The following MRPL2 variants were observed in gnomAD, a reference collection of about 807,000 sequenced individuals.
MRPL2 encodes the protein large ribosomal subunit protein uL2m.
MRPL2 carries 27 observed loss-of-function variants against 34.6 expected under a neutral mutation model. The observed-to-expected ratio is 0.78, with a 90% CI of 0.58 to 1.08. The LOEUF is 1.08. Among genes scored for constraint, MRPL2 ranks in the 50% least tolerant of loss-of-function variants. The pLI, the probability that MRPL2 is intolerant of heterozygous loss-of-function variation, is 0.00. For missense variants in MRPL2, 414 were observed against 419.3 expected (o/e 0.99, Z 0.11); for synonymous variants, 155 against 158.0 (o/e 0.98, Z 0.14).
Position 43,054,237 on chromosome 6 carries a change from AC to A in MRPL2, c.*36del. ...AACAAAACCACAGTAACAGATTAAA[AC>A]GGGGGGGGGGGGCATTTTATTAGAG... is the stretch of plus-strand genomic sequence containing the variant. On this transcript the variant is annotated 3_prime_UTR_variant, in exon 7 of 7. Coordinates refer to ENST00000388752, the MANE Select transcript of MRPL2 (RefSeq NM_015950.5). 1 of 1,225,030 alleles carries A rather than the reference AC, an allele frequency of 8.2e-7. No individual in the cohort carries two copies. Among genetic ancestry groups the A allele is most frequent in the Non-Finnish European group, 1.1e-6 (1 of 910,640 alleles). 75.9% of individuals were successfully genotyped at this position (1,225,030 alleles called of 1,614,324 possible). A position where few individuals can be genotyped will look rare whatever the true frequency, so the allele number is the denominator to read the frequency against.
intron 1 of MRPL2, 123 bp downstream of exon 1, chr6:43,059,163 T>G (rs1269532719): frequency 6.5e-7 from 1 of 1,550,168 alleles, no homozygotes; most frequent in East Asian, 2.4e-5. Context: ...AAGTGTGCCT[T>G]ATCCAAGGTC....
At position 43,056,380 on chromosome 6, in the gene MRPL2, G is replaced by A. The variant is rs1282440995; in HGVS notation, c.331C>T (p.Arg111Cys). The A allele has an allele frequency of 3.1e-6, 5 of 1,614,188 alleles. No homozygotes were observed. Among genetic ancestry groups the A allele is most frequent in the East Asian group, 2.2e-5 (1 of 44,884 alleles). ...GACTTGGTCTCCTCAGGCCGGAAAC[G>A]CAGAAAGTCAATCATTCGATAACGT... ...KQRYRMIDFL[R>C]FRPEETKSGP... Residue 111 changes from arginine to cysteine, a missense_variant, in exon 3 of 7, where the codon CGT becomes TGT. Physicochemically the swap from Arg to Cys is radical, Grantham distance 180. Transcript: ENST00000388752.
At chr6:43,054,539 C>T (rs1764762693) in intron 6 of MRPL2, 53 bp from the exon 7 acceptor site, 1 of 1,526,250 alleles carries the variant, frequency 6.6e-7, no homozygotes, top group Non-Finnish European at 9.0e-7. Flanking sequence ...AAGAGCTTGA[C>T]AATGTTGAGA....
At position 43,058,241 on chromosome 6, in the gene MRPL2, TAA is replaced by T; in HGVS notation, c.97-10_97-9del. The stretch of plus-strand genomic sequence containing the variant: ...GAGGCCATTGTTCATCATCTAGGGA[TAA>T]AAAGACATCTCTTTCATTTGAAAGC... On this transcript the variant is annotated splice_polypyrimidine_tract_variant and intron_variant, in intron 1 of 6. Coordinates refer to ENST00000388752, the MANE Select transcript of MRPL2 (RefSeq NM_015950.5). 6.2e-7 allele frequency: 1 copy of T among 1,612,462 alleles called. No individual in the cohort carries two copies. The highest frequency in any genetic ancestry group is 1.1e-5 in the South Asian group (1 of 90,960).
rs1379620822 is a variant in MRPL2 at position 43,058,238 on chromosome 6, G to A, written c.97-5C>T. ...GAGGAGGCCATTGTTCATCATCTAG[G>A]GATAAAAAGACATCTCTTTCATTTG... On this transcript the variant is annotated splice_region_variant and splice_polypyrimidine_tract_variant and intron_variant, in intron 1 of 6. Transcript: ENST00000388752. The A allele has an allele frequency of 6.2e-7, 1 of 1,612,620 alleles. No homozygotes were observed. The highest frequency in any genetic ancestry group is 1.1e-5 in the South Asian group (1 of 90,956).
In MRPL2 at chr6:43,056,001, G is replaced by C; in HGVS notation, c.527C>G (p.Ala176Gly). 6.2e-7 allele frequency: 1 copy of C among 1,614,158 alleles called. No homozygotes were observed. The highest frequency in any genetic ancestry group is 8.5e-7 in the Non-Finnish European group (1 of 1,180,024). ...SNHIGRMAVAAREGDAHPLGA... is the reference protein window; with the variant it reads ...SNHIGRMAVAGREGDAHPLGA... ...AAGAGGATGCGCATCCCCTTCCCGA[G>C]CAGCAACTAAAAGACAGGATTTCAT... Residue 176 changes from alanine (A) to glycine (G), a missense_variant, in exon 5 of 7, where the codon GCT becomes GGT. By Grantham distance (60) the Ala-to-Gly change is moderately conservative. Coordinates refer to ENST00000388752, the MANE Select transcript of MRPL2 (RefSeq NM_015950.5).
Position 43,056,414 on chromosome 6 carries a change from G to GC in MRPL2, c.296dup (p.His100ProfsTer9), listed in dbSNP as rs774949469. On this transcript the variant is annotated frameshift_variant, in exon 3 of 7. Coordinates refer to ENST00000388752, the MANE Select transcript of MRPL2 (RefSeq NM_015950.5). LOFTEE classifies it high-confidence loss of function. ...CAATCATTCGATAACGTTGCTTGTG[G>GC]CCCCCGCCAATACCATGCACCCGGA... 1.2e-6 allele frequency: 2 copies of GC among 1,611,906 alleles called. No individual in the cohort carries two copies. Among genetic ancestry groups the GC allele is most frequent in the Non-Finnish European group, 1.7e-6 (2 of 1,179,162 alleles).
At chr6:43,055,679 C>A (rs1003370186) in intron 5 of MRPL2, 61 bp from the exon 6 acceptor site, 19 of 1,579,814 alleles carry the variant, frequency 1.2e-5, no homozygotes, top group Admixed American at 1.7e-5. Flanking sequence ...GGGACTTACA[C>A]AGGGGACATA....
intron 5 of MRPL2, 32 bp downstream of exon 5, chr6:43,055,865 C>T: frequency 6.3e-7 from 1 of 1,586,700 alleles, no homozygotes; most frequent in Non-Finnish European, 8.6e-7. Context: ...CCTTTCCAAA[C>T]TATAGGACCC....
At chr6:43,058,709 G>C (rs760866042) in intron 1 of MRPL2, among the ~76,000 whole-genome samples, 23 of 152,214 alleles carry the variant, frequency 1.5e-4, no homozygotes, top group Non-Finnish European at 3.2e-4. Context: ...CTCCAGAGGA[G>C]CAGGACTTAC....
chr6:43,056,162 GGCT>G lies in MRPL2; in HGVS notation c.436_438del (p.Ser146del). ...TCTGTGGCGATGATCCAGCGTTTCCGGCTGCCCCCAGCAACCAGAGCTATGTCT... is the reference window on the plus strand; with the variant it reads ...TCTGTGGCGATGATCCAGCGTTTCCGGCCCCCAGCAACCAGAGCTATGTCT... On this transcript the variant is annotated inframe_deletion, in exon 4 of 7. Coordinates refer to ENST00000388752, the MANE Select transcript of MRPL2 (RefSeq NM_015950.5). 6.2e-7 allele frequency: 1 copy of G among 1,614,094 alleles called. No homozygotes were observed. The highest frequency in any genetic ancestry group is 8.5e-7 in the Non-Finnish European group (1 of 1,180,012).
intron 6 of MRPL2, 85 bp from the exon 7 acceptor site, chr6:43,054,571 T>C: frequency 5.1e-6 from 6 of 1,182,140 alleles, no homozygotes; most frequent in Non-Finnish European, 7.3e-6. Flanking sequence ...GGGGGCTTCT[T>C]AGACTCAAGG....
At chr6:43,058,925 T>C (rs1581990710) in intron 1 of MRPL2, 1 of 560,192 alleles carries the variant, frequency 1.8e-6, no homozygotes, top group East Asian at 3.0e-5. Context: ...GGACTCCTTA[T>C]TTTCCTCATC....
rs762422793 is a variant in MRPL2 at position 43,059,234 on chromosome 6, ATCTCCG to A, written c.96+46_96+51del. ...CCCGCCTCGCATGCCCGCAGACCCCATCTCCGGCAGCCCGAATGGAAGCAGCCTTCT... is the reference window on the plus strand; with the variant it reads ...CCCGCCTCGCATGCCCGCAGACCCCAGCAGCCCGAATGGAAGCAGCCTTCT... On this transcript the variant is annotated intron_variant, in intron 1 of 6. Transcript: ENST00000388752. The A allele has an allele frequency of 3.9e-6, 6 of 1,550,952 alleles. No individual in the cohort carries two copies. The South Asian group carries it at 7.1e-5, about 18-fold the overall frequency.
At chr6:43,056,499 C>A in intron 2 of MRPL2, 54 bp from the exon 3 acceptor site, 2 of 1,607,080 alleles carry the variant, frequency 1.2e-6, no homozygotes, top group Non-Finnish European at 1.7e-6. Context: ...GTTTAGTTTC[C>A]AGCACTGGGA....
At chr6:43,057,364 G>A (rs1561906325) in intron 2 of MRPL2, among the ~76,000 whole-genome samples, 1 of 151,922 alleles carries the variant, frequency 6.6e-6, no homozygotes, top group Non-Finnish European at 1.5e-5. Flanking sequence ...TTTTGAGACA[G>A]TCTTGCTCTG....
intron 6 of MRPL2, among the ~76,000 whole-genome samples, chr6:43,054,911 C>G (rs1249489604): frequency 6.6e-6 from 1 of 152,064 alleles, no homozygotes; most frequent in Non-Finnish European, 1.5e-5. Flanking sequence ...TACCCTGTCT[C>G]TACAAAAAAT....
chr6:43,056,666 A>G (rs1764888756), intron 2 of MRPL2, among the ~76,000 whole-genome samples: 1 of 152,166 alleles, frequency 6.6e-6, no homozygotes, highest in East Asian at 1.9e-4. Context: ...TAAAACTTCC[A>G]GATAAAATAT....
intron 6 of MRPL2, 89 bp from the exon 7 acceptor site, chr6:43,054,575 C>T: frequency 8.9e-7 from 1 of 1,124,220 alleles, no homozygotes; most frequent in South Asian, 1.4e-5. Context: ...GCTTCTTAGA[C>T]TCAAGGAGAG....
Sources: gnomAD v4.1 joint callset for allele counts (sites outside exome capture counted in the v4.1 genomes callset) on GRCh38, gnomAD v4.1.1 for gene constraint, MANE v1.5 for transcripts, NCBI Gene and HGNC (gene_info 2026-07-23, HGNC 2026-07-21) for gene names.